The following PLCXD3 variants were observed in gnomAD, a reference collection of about 807,000 sequenced individuals.
PLCXD3 encodes the protein phosphatidylinositol specific phospholipase C X domain containing 3.
Under a neutral mutation model 25.5 loss-of-function variants are expected in PLCXD3, and 19 were observed. That is an observed-to-expected ratio of 0.75 (90% CI 0.52 to 1.09). The LOEUF is 1.09. Among genes scored for constraint, PLCXD3 ranks in the 50% least tolerant of loss-of-function variants. The pLI, the probability that PLCXD3 is intolerant of heterozygous loss-of-function variation, is 0.00. For synonymous variants in PLCXD3, 174 were observed against 137.6 expected, an observed-to-expected ratio of 1.26 and a Z score of -1.85; for missense variants, 411 against 388.1, an observed-to-expected ratio of 1.06 and a Z score of -0.50.
intron 2 of PLCXD3, among the ~76,000 whole-genome samples, chr5:41,378,938 T>C (rs897141039): frequency 2.6e-5 from 4 of 152,028 alleles, no homozygotes; most frequent in Non-Finnish European, 5.9e-5. Flanking sequence ...TTGAGTAAAT[T>C]CTTCTTCTTG....
At chr5:41,434,517 C>T (rs577388070) in intron 1 of PLCXD3, among the ~76,000 whole-genome samples, 8 of 152,248 alleles carry the variant, frequency 5.3e-5, no homozygotes, top group Non-Finnish European at 1.0e-4. Flanking sequence ...ACTCACACCC[C>T]CAGGTACTTG....
chr5:41,374,451 A>T (rs1490516872), intron 2 of PLCXD3, among the ~76,000 whole-genome samples: 1 of 152,142 alleles, frequency 6.6e-6, no homozygotes, highest in Non-Finnish European at 1.5e-5. Flanking sequence ...ACATCATCCG[A>T]ATAAATTATT....
intron 1 of PLCXD3, among the ~76,000 whole-genome samples, chr5:41,431,572 A>G (rs188832967): frequency 3.2e-4 from 48 of 152,336 alleles, no homozygotes; most frequent in African/African-American, 1.1e-3. Flanking sequence ...CTCACTAGAT[A>G]TTACATTATA....
intron 1 of PLCXD3, among the ~76,000 whole-genome samples, chr5:41,503,987 TTGTG>T (rs36021542): frequency 1.7e-4 from 25 of 148,552 alleles, no homozygotes; most frequent in South Asian, 8.5e-4. Context: ...GTGTGTGCAC[TTGTG>T]TGTGTGTGTG....
intron 1 of PLCXD3, among the ~76,000 whole-genome samples, chr5:41,447,653 A>G (rs1294007044): frequency 1.3e-5 from 2 of 152,228 alleles, no homozygotes; most frequent in African/African-American, 2.4e-5. Flanking sequence ...TTTAATTGCC[A>G]AGATTGGGAC....
At chr5:41,360,017 C>T (rs996626862) in intron 2 of PLCXD3, among the ~76,000 whole-genome samples, 12 of 152,010 alleles carry the variant, frequency 7.9e-5, no homozygotes, top group Non-Finnish European at 1.8e-4. Flanking sequence ...CTTCTCGGAG[C>T]CTTTGTTCAT....
At chr5:41,493,690 G>A (rs1748761456) in intron 1 of PLCXD3, among the ~76,000 whole-genome samples, 1 of 152,206 alleles carries the variant, frequency 6.6e-6, no homozygotes. Flanking sequence ...ATCTCAGACT[G>A]CTGTGCTAGC....
At chr5:41,420,952 C>A (rs1219469086) in intron 1 of PLCXD3, among the ~76,000 whole-genome samples, 1 of 152,076 alleles carries the variant, frequency 6.6e-6, no homozygotes, top group Non-Finnish European at 1.5e-5. Flanking sequence ...CTCAGGGATA[C>A]TTTTCCCCTG....
intron 2 of PLCXD3, among the ~76,000 whole-genome samples, chr5:41,373,253 G>A (rs1036087937): frequency 3.9e-5 from 6 of 152,012 alleles, no homozygotes; most frequent in Non-Finnish European, 5.9e-5. Flanking sequence ...ACAGCAAATC[G>A]TAGACTGGTT....
intron 2 of PLCXD3, among the ~76,000 whole-genome samples, chr5:41,376,290 CTCTT>C: frequency 6.6e-6 from 1 of 152,158 alleles, no homozygotes; most frequent in Admixed American, 6.5e-5. Flanking sequence ...CAATTTTTAT[CTCTT>C]TCTTTCTAAA....
At chr5:41,328,796 A>G (rs953502249) in intron 2 of PLCXD3, among the ~76,000 whole-genome samples, 5 of 152,214 alleles carry the variant, frequency 3.3e-5, no homozygotes, top group African/African-American at 1.2e-4. Context: ...TTTTAAAAAG[A>G]TTTAAAGAAA....
intron 2 of PLCXD3, among the ~76,000 whole-genome samples, chr5:41,343,513 T>A (rs60248428): frequency 0.036 from 5,544 of 152,176 alleles, 344 homozygotes; most frequent in African/African-American, 0.13. Flanking sequence ...AAATAAATGG[T>A]CTATTCAGTT....
chr5:41,485,019 T>C (rs942852599), intron 1 of PLCXD3, among the ~76,000 whole-genome samples: 5 of 152,102 alleles, frequency 3.3e-5, no homozygotes, highest in Non-Finnish European at 7.4e-5. Context: ...TAGGTGAGAT[T>C]TTATTTATTC....
chr5:41,472,645 G>GTCATGT (rs1748190422), intron 1 of PLCXD3, among the ~76,000 whole-genome samples: 1 of 152,208 alleles, frequency 6.6e-6, no homozygotes, highest in South Asian at 2.1e-4. Flanking sequence ...GAATAGGCTT[G>GTCATGT]TCATGTTGTT....
At chr5:41,381,759 C>T (rs564902652) in intron 2 of PLCXD3, 67 bp downstream of exon 2, 2 of 1,445,498 alleles carry the variant, frequency 1.4e-6, no homozygotes, top group Admixed American at 2.1e-5. Flanking sequence ...AGCTTCATCA[C>T]TTATGAGCTC....
chr5:41,381,094 C>T (rs1263178828), intron 2 of PLCXD3, among the ~76,000 whole-genome samples: 6 of 152,114 alleles, frequency 3.9e-5, no homozygotes, highest in Non-Finnish European at 7.4e-5. Context: ...AAAAATATAT[C>T]ACTTTTTTGA....
chr5:41,344,290 C>T (rs1017878826), intron 2 of PLCXD3, among the ~76,000 whole-genome samples: 5 of 152,002 alleles, frequency 3.3e-5, no homozygotes, highest in Non-Finnish European at 5.9e-5. Context: ...TCCAGAAATG[C>T]GACTTATTTT....
At chr5:41,371,498 T>C (rs1306090372) in intron 2 of PLCXD3, among the ~76,000 whole-genome samples, 1 of 152,150 alleles carries the variant, frequency 6.6e-6, no homozygotes, top group East Asian at 1.9e-4. Context: ...TATCCAAATA[T>C]AGACTTGTCC....
At chr5:41,416,473 A>T (rs532795476) in intron 1 of PLCXD3, among the ~76,000 whole-genome samples, 1 of 152,192 alleles carries the variant, frequency 6.6e-6, no homozygotes, top group African/African-American at 2.4e-5. Flanking sequence ...ACCATCTCCT[A>T]CTTTCAGAAT....
Sources: allele counts gnomAD v4.1 joint callset (sites outside exome capture counted in the v4.1 genomes callset), GRCh38; gene constraint gnomAD v4.1.1; transcripts MANE v1.5; gene names NCBI Gene and HGNC (gene_info 2026-07-23, HGNC 2026-07-21).